The following CPT1A variants were observed in gnomAD, a reference collection of about 807,000 sequenced individuals.
CPT1A encodes carnitine palmitoyltransferase 1A.
Under a neutral mutation model 100.8 loss-of-function variants are expected in CPT1A, and 64 were observed. The observed-to-expected ratio is 0.63, with a 90% CI of 0.52 to 0.78. CPT1A has a LOEUF of 0.78. CPT1A is among the 30% of genes least tolerant of loss of function. The probability of loss-of-function intolerance (pLI) is 0.00; values close to 1 mark genes in which losing one functional copy is unlikely to be tolerated. For synonymous variants in CPT1A, 363 were observed against 396.0 expected, an observed-to-expected ratio of 0.92 and a Z score of 0.99; for missense variants, 802 against 1,034.1, an observed-to-expected ratio of 0.78 and a Z score of 3.08.
intron 1 of CPT1A, among the ~76,000 whole-genome samples, chr11:68,826,384 T>A (rs1856729474): frequency 6.6e-6 from 1 of 150,454 alleles, no homozygotes; most frequent in Non-Finnish European, 1.5e-5. Flanking sequence ...AGGCAGAGGT[T>A]GCAGTGAGCC....
intron 12 of CPT1A, among the ~76,000 whole-genome samples, chr11:68,777,383 T>C (rs1330609642): frequency 6.6e-6 from 1 of 152,090 alleles, no homozygotes; most frequent in Non-Finnish European, 1.5e-5. Context: ...TGAGCTGAGA[T>C]TGCACCACTG....
chr11:68,824,077 T>C (rs963319572), intron 1 of CPT1A, among the ~76,000 whole-genome samples: 1 of 151,246 alleles, frequency 6.6e-6, no homozygotes, highest in African/African-American at 2.4e-5. Flanking sequence ...TGAAACCCCA[T>C]CTCTACTAAA....
chr11:68,761,509 T>C (rs1439652532), intron 16 of CPT1A, 26 bp downstream of exon 16: 12 of 1,612,046 alleles, frequency 7.4e-6, no homozygotes, highest in Admixed American at 3.3e-5. Context: ...CCAATACAAC[T>C]GACGGAAGAA....
At position 68,812,470 on chromosome 11, in the gene CPT1A, A is replaced by G. The variant is rs541835410; in HGVS notation, c.248T>C (p.Ile83Thr). 1 of 1,614,192 alleles carries G rather than the reference A, an allele frequency of 6.2e-7. No homozygotes were observed. Among genetic ancestry groups the G allele is most frequent in the South Asian group, 1.1e-5 (1 of 91,084 alleles). ...MYAKIDPSLGIIAKINRTLET... is the reference protein window; with the variant it reads ...MYAKIDPSLGTIAKINRTLET... The stretch of plus-strand genomic sequence containing the variant: ...CAGAGTCCGATTGATTTTTGCAATT[A>G]TTCCTAACGAGGGGTCGATCTTGGC... The change falls in exon 3 of 19, where the codon ATA becomes ACA. Residue 83 changes from isoleucine to threonine, a missense_variant. Around this residue, in one of 4 missense-constraint regions of CPT1A, gnomAD observed 161 missense variants for 183.7 expected, o/e 0.88. Transcript: ENST00000265641.
chr11:68,770,498 A>G (rs1295006344), intron 14 of CPT1A, among the ~76,000 whole-genome samples: 1 of 152,210 alleles, frequency 6.6e-6, no homozygotes, highest in Non-Finnish European at 1.5e-5. Context: ...TTTACTTTGA[A>G]GCAGTAGCTA....
upstream of CPT1A, chr11:68,844,179 A>G (rs1161168698): frequency 6.6e-6 from 1 of 152,286 alleles, no homozygotes; most frequent in East Asian, 1.9e-4. Flanking sequence ...GGCAGCTGCA[A>G]CGAGCCCGCG....
chr11:68,776,604 C>T (rs1349143211), intron 12 of CPT1A, among the ~76,000 whole-genome samples: 4 of 152,116 alleles, frequency 2.6e-5, no homozygotes, highest in Non-Finnish European at 5.9e-5. Context: ...TTAGGCTGGG[C>T]TCTGTGACTC....
intron 9 of CPT1A, among the ~76,000 whole-genome samples, chr11:68,789,130 G>T (rs1855549855): frequency 6.6e-6 from 1 of 152,200 alleles, no homozygotes; most frequent in Admixed American, 6.5e-5. Context: ...GATTAGGGCT[G>T]TATCTTCTGC....
chr11:68,794,403 A>C (rs1376266350), intron 8 of CPT1A, among the ~76,000 whole-genome samples: 3 of 151,786 alleles, frequency 2.0e-5, no homozygotes, highest in African/African-American at 7.3e-5. Flanking sequence ...CAAACTCTAC[A>C]CTTTATTTTT....
rs1946704043 is a variant in CPT1A at position 68,756,891 on chromosome 11, T to C, written c.*753A>G. 1 of 152,328 alleles carries C rather than the reference T, an allele frequency of 6.6e-6. No individual in the cohort carries two copies. 9.4% of individuals were successfully genotyped at this position (152,328 alleles called of 1,614,324 possible). A position where few individuals can be genotyped will look rare whatever the true frequency, so the allele number is the denominator to read the frequency against. ...GCAAATGCTTATGTACGGTTATCCA[T>C]ACTCAGTCAATTGTGAAGGGAACAG... On this transcript the variant is annotated 3_prime_UTR_variant, in exon 19 of 19. Coordinates refer to ENST00000265641, the MANE Select transcript of CPT1A (RefSeq NM_001876.4).
At position 68,838,111 on chromosome 11, in the gene CPT1A, C is replaced by T. The variant is rs190591931; in HGVS notation, c.-14+3664G>A. On this transcript the variant is annotated intron_variant, in intron 1 of 18. Coordinates refer to ENST00000265641, the MANE Select transcript of CPT1A (RefSeq NM_001876.4). ...TGGTGTCCAATGCCTAACCTATATCCCTCAGGAAGCAGAGCGGTACCCACC... is the reference window on the plus strand; with the variant it reads ...TGGTGTCCAATGCCTAACCTATATCTCTCAGGAAGCAGAGCGGTACCCACC... Among the ~76,000 whole-genome samples, 828 of 152,162 alleles carry T rather than the reference C, an allele frequency of 5.4e-3. 4 individuals are homozygous for T. Among genetic ancestry groups the T allele is most frequent in the Non-Finnish European group, 7.2e-3 (493 of 68,016 alleles).
At chr11:68,777,535 A>G (rs1301409649) in intron 12 of CPT1A, among the ~76,000 whole-genome samples, 1 of 152,264 alleles carries the variant, frequency 6.6e-6, no homozygotes, top group Non-Finnish European at 1.5e-5. Context: ...AGACTAGGTC[A>G]GTCCCCATCT....
Position 68,773,257 on chromosome 11 carries a change from G to T in CPT1A, c.1740+8C>A. On this transcript the variant is annotated splice_region_variant and intron_variant, in intron 14 of 18. Transcript: ENST00000265641. ...CTCACGACAAAACCCTAGGCGGTCA[G>T]TTCTTACCTTGTAGTGCGCCAGCTG... 2 of 1,613,900 alleles carry T rather than the reference G, an allele frequency of 1.2e-6. No homozygotes were observed. Among genetic ancestry groups the T allele is most frequent in the South Asian group, 2.2e-5 (2 of 91,074 alleles).
intron 9 of CPT1A, among the ~76,000 whole-genome samples, chr11:68,787,942 CAAAAAAAAAA>C (rs58079850): frequency 4.4e-5 from 2 of 45,688 alleles, no homozygotes; most frequent in East Asian, 6.4e-4. Context: ...GACTCAGTCT[CAAAAAAAAAA>C]AAAAAAAAAA....
intron 17 of CPT1A, 68 bp from the exon 18 acceptor site, chr11:68,759,729 G>A (rs773803293): frequency 3.7e-5 from 43 of 1,175,716 alleles, no homozygotes; most frequent in South Asian, 1.1e-4. Context: ...ACTTTCTAAT[G>A]TTCTAAATGC....
At chr11:68,813,342 C>T (rs1856273642) in intron 2 of CPT1A, among the ~76,000 whole-genome samples, 1 of 151,832 alleles carries the variant, frequency 6.6e-6, no homozygotes, top group Non-Finnish European at 1.5e-5. Context: ...ACCAGCCTGA[C>T]CAACATGGTG....
chr11:68,824,659 GCAATC>G (rs1856675128), intron 1 of CPT1A, among the ~76,000 whole-genome samples: 1 of 152,180 alleles, frequency 6.6e-6, no homozygotes, highest in South Asian at 2.1e-4. Context: ...CTGGGTTCAA[GCAATC>G]CTCCTGCCTC....
chr11:68,757,051 C>T lies in CPT1A; in HGVS notation c.*593G>A, dbSNP rs1235811925. The T allele has an allele frequency of 6.3e-6, 1 of 159,486 alleles. No homozygotes were observed. Among genetic ancestry groups the T allele is most frequent in the Non-Finnish European group, 1.4e-5 (1 of 72,102 alleles). The allele number at this position is 159,486 out of a possible 1,614,324, so 9.9% of individuals were successfully genotyped here. ...ATACAAGGTCAGTAAAACTGAAGACCTTGCATCCTGCTTGCTTCAAATGTG... is the reference window on the plus strand; with the variant it reads ...ATACAAGGTCAGTAAAACTGAAGACTTTGCATCCTGCTTGCTTCAAATGTG... On this transcript the variant is annotated 3_prime_UTR_variant, in exon 19 of 19. Coordinates refer to ENST00000265641, the MANE Select transcript of CPT1A (RefSeq NM_001876.4).
Position 68,840,815 on chromosome 11 carries a change from G to A in CPT1A, c.-14+960C>T, listed in dbSNP as rs551144066. On this transcript the variant is annotated intron_variant, in intron 1 of 18. Coordinates refer to ENST00000265641, the MANE Select transcript of CPT1A (RefSeq NM_001876.4). Reference sequence around the variant, plus strand: ...TGGCTCCGAGAAGGGGCTGCCCCGCGTGGCCCTGACCGCACCGTCGGGCTC... The same window carrying A: ...TGGCTCCGAGAAGGGGCTGCCCCGCATGGCCCTGACCGCACCGTCGGGCTC... 3.9e-5 allele frequency among the ~76,000 whole-genome samples: 6 copies of A among 152,368 alleles called. No individual in the cohort carries two copies. The South Asian group carries it at 1.0e-3, about 26-fold the overall frequency.
Sources: allele counts gnomAD v4.1 joint callset (sites outside exome capture counted in the v4.1 genomes callset), GRCh38; gene constraint gnomAD v4.1.1; regional missense constraint gnomAD v4.1.1; transcripts MANE v1.5; gene names NCBI Gene and HGNC (gene_info 2026-07-23, HGNC 2026-07-21).